CA8: variants seen among roughly 807,000 people sequenced by gnomAD.
CA8 encodes the protein carbonic anhydrase 8 (inactive), also known as carbonic anhydrase-related protein.
A neutral mutation model predicts 41.4 loss-of-function variants in CA8; 22 were observed. The observed-to-expected ratio is 0.53, with a 90% confidence interval of 0.38 to 0.76. The LOEUF is 0.76. CA8 is among the 30% of genes least tolerant of loss of function. The pLI, the probability that CA8 is intolerant of heterozygous loss-of-function variation, is 0.00. For missense variants in CA8, 270 were observed against 352.8 expected, an observed-to-expected ratio of 0.77 and a Z score of 1.88; for synonymous variants, 121 against 130.6, an observed-to-expected ratio of 0.93 and a Z score of 0.50.
At chr8:60,196,308 G>T (rs924125073) in intron 8 of CA8, among the ~76,000 whole-genome samples, 1 of 152,126 alleles carries the variant, frequency 6.6e-6, no homozygotes, top group African/African-American at 2.4e-5. Context: ...ACTGTGATGT[G>T]CATTTTACCA....
intron 3 of CA8, chr8:60,232,678 G>C (rs1807697161): frequency 2.4e-6 from 1 of 419,426 alleles, no homozygotes; most frequent in Non-Finnish European, 4.5e-6. Flanking sequence ...TCTTTCCTTG[G>C]ATGTCATCCT....
At chr8:60,277,544 G>T (rs1804280969) in intron 2 of CA8, among the ~76,000 whole-genome samples, 1 of 151,980 alleles carries the variant, frequency 6.6e-6, no homozygotes, top group African/African-American at 2.4e-5. Context: ...TAGTAGAGAT[G>T]GGGTTTCACC....
rs545639098 is a variant in CA8, at chr8:60,203,290, T to C, written c.*35+5460A>G. ...ATAAAAAAAAGAAAAATGAGATGCTTACAAATAGAAAACTGAAGGTCAGGT... is the reference window on the plus strand; with the variant it reads ...ATAAAAAAAAGAAAAATGAGATGCTCACAAATAGAAAACTGAAGGTCAGGT... On this transcript the variant is annotated intron_variant, in intron 8 of 8. Transcript: ENST00000317995. 3.9e-5 allele frequency among the ~76,000 whole-genome samples: 6 copies of C among 152,220 alleles called. No individual in the cohort carries two copies. The East Asian group carries it at 1.2e-3, about 29-fold the overall frequency.
At chr8:60,190,133 C>T (rs1284764559) in intron 8 of CA8, 148 bp from the exon 9 acceptor site, 2 of 151,788 alleles carry the variant, frequency 1.3e-5, no homozygotes, top group African/African-American at 2.4e-5. Context: ...TCTTTGTGCT[C>T]AAGTTTGTTA....
intron 8 of CA8, among the ~76,000 whole-genome samples, chr8:60,204,108 T>C (rs905469942): frequency 2.0e-5 from 3 of 152,206 alleles, no homozygotes; most frequent in Non-Finnish European, 4.4e-5. Flanking sequence ...ACAGGAAAGG[T>C]CTTTCTTGGA....
chr8:60,216,467 T>C (rs1436124585), intron 7 of CA8, among the ~76,000 whole-genome samples: 1 of 152,232 alleles, frequency 6.6e-6, no homozygotes, highest in East Asian at 1.9e-4. Context: ...TGAAAAGTCA[T>C]CTATTTTGAA....
rs142274520 is a variant in CA8 at position 60,277,415 on chromosome 8, G to A, written c.292+2274C>T. ...GTCGCCCAGGCTGGAGAGCAATGGC[G>A]CAATCTCGGCTCACTGCAACCTCCG... On this transcript the variant is annotated intron_variant, in intron 2 of 8. Transcript: ENST00000317995. Among the ~76,000 whole-genome samples the A allele has an allele frequency of 3.7e-3, 566 of 151,974 alleles. 6 individuals carry two copies. The highest frequency in any genetic ancestry group is 0.022 in the East Asian group (111 of 5,138).
At chr8:60,205,595 C>T (rs1167706618) in intron 8 of CA8, among the ~76,000 whole-genome samples, 1 of 152,028 alleles carries the variant, frequency 6.6e-6, no homozygotes, top group Non-Finnish European at 1.5e-5. Context: ...ACCGCTGAAC[C>T]AAAGAATTTC....
At chr8:60,236,650 A>G (rs987710098) in intron 3 of CA8, among the ~76,000 whole-genome samples, 2 of 152,216 alleles carry the variant, frequency 1.3e-5, no homozygotes, top group African/African-American at 4.8e-5. Context: ...AAGTGACAAA[A>G]CAATCCTCTG....
intron 7 of CA8, among the ~76,000 whole-genome samples, chr8:60,219,938 A>AC (rs2130458466): frequency 9.6e-6 from 1 of 103,980 alleles, no homozygotes; most frequent in Admixed American, 1.0e-4. Context: ...TTAAAAAAAA[A>AC]AAAAAAAAAA....
At position 60,222,645 on chromosome 8, in the gene CA8, T is replaced by C. The variant is rs756190456; in HGVS notation, c.738+4A>G. On this transcript the variant is annotated splice_donor_region_variant and intron_variant, in intron 7 of 8. Transcript: ENST00000317995. Reference sequence around the variant, plus strand: ...CTCTGAAAGATTCAAAGTAGCACACTCACCTGTAGCTGGGATATAGTTAAA... The same window carrying C: ...CTCTGAAAGATTCAAAGTAGCACACCCACCTGTAGCTGGGATATAGTTAAA... 15 of 1,521,732 alleles carry C rather than the reference T, an allele frequency of 9.9e-6. No individual in the cohort carries two copies. Among genetic ancestry groups the C allele is most frequent in the Non-Finnish European group, 1.3e-5 (14 of 1,095,692 alleles). 94.3% of individuals were successfully genotyped at this position (1,521,732 alleles called of 1,614,324 possible).
rs547708185 is a variant in CA8, at chr8:60,200,353, C to A, written c.*35+8397G>T. On this transcript the variant is annotated intron_variant, in intron 8 of 8. Transcript: ENST00000317995. ...TCCCTTCTTCGGGAGATGGCTTCTA[C>A]CCCCAATAAGGGGGTCTGGGTAAAT... Among the ~76,000 whole-genome samples, 10 of 152,252 alleles carry A rather than the reference C, an allele frequency of 6.6e-5. No individual in the cohort carries two copies. The South Asian group carries it at 2.1e-3, about 32-fold the overall frequency.
In CA8 at chr8:60,274,364, G is replaced by C. The variant is rs992026625; in HGVS notation, c.292+5325C>G. Among the ~76,000 whole-genome samples the C allele has an allele frequency of 5.9e-5, 9 of 152,294 alleles. No homozygotes were observed. In the East Asian group the frequency reaches 1.7e-3, roughly 29 times the overall value. On this transcript the variant is annotated intron_variant, in intron 2 of 8. Transcript: ENST00000317995. Reference sequence around the variant, plus strand: ...CAAAATAATGGGCGGCGGTAGGGGGGTGGTGCTGGAAAGCAGACAAAGGTA... The same window carrying C: ...CAAAATAATGGGCGGCGGTAGGGGGCTGGTGCTGGAAAGCAGACAAAGGTA...
chr8:60,190,746 G>A (rs1806096940), intron 8 of CA8, among the ~76,000 whole-genome samples: 1 of 150,072 alleles, frequency 6.7e-6, no homozygotes, highest in African/African-American at 2.4e-5. Flanking sequence ...CTATGTGTAA[G>A]GATATTCACT....
intron 8 of CA8, among the ~76,000 whole-genome samples, chr8:60,197,780 C>G (rs1329624629): frequency 1.3e-5 from 2 of 151,996 alleles, no homozygotes; most frequent in Admixed American, 6.6e-5. Flanking sequence ...AAACAAAAAG[C>G]AAACAGAGAA....
chr8:60,261,409 C>G (rs1044586048), intron 3 of CA8, among the ~76,000 whole-genome samples: 1 of 152,096 alleles, frequency 6.6e-6, no homozygotes, highest in African/African-American at 2.4e-5. Flanking sequence ...GCTAGACCTC[C>G]TTTTTGGCAA....
intron 7 of CA8, among the ~76,000 whole-genome samples, chr8:60,220,784 C>T (rs1044648039): frequency 1.3e-5 from 2 of 152,108 alleles, no homozygotes; most frequent in African/African-American, 2.4e-5. Context: ...CCTCCCCCGC[C>T]GTTAGGGTAG....
In CA8 at chr8:60,224,889, A is replaced by G. The variant is rs573631562; in HGVS notation, c.577-304T>C. Reference sequence around the variant, plus strand: ...TACCTTTTCTGCTCTGAGCACATTCATAACAGAGATTTGGGCTAAATTCTC... The same window carrying G: ...TACCTTTTCTGCTCTGAGCACATTCGTAACAGAGATTTGGGCTAAATTCTC... On this transcript the variant is annotated intron_variant, in intron 5 of 8. Coordinates refer to ENST00000317995, the MANE Select transcript of CA8 (RefSeq NM_004056.6). Among the ~76,000 whole-genome samples the G allele has an allele frequency of 7.2e-5, 11 of 152,228 alleles. No individual in the cohort carries two copies. The South Asian group carries it at 1.5e-3, about 20-fold the overall frequency.
chr8:60,208,694 G>C, intron 8 of CA8, 56 bp downstream of exon 8: 1 of 1,433,430 alleles, frequency 7.0e-7, no homozygotes, highest in Non-Finnish European at 9.8e-7. Context: ...TGTACCTTTG[G>C]TACGCTAGGT....
Sources: gnomAD v4.1 joint callset for allele counts (sites outside exome capture counted in the v4.1 genomes callset) on GRCh38, gnomAD v4.1.1 for gene constraint, MANE v1.5 for transcripts, NCBI Gene and HGNC (gene_info 2026-07-23, HGNC 2026-07-21) for gene names.